BLOC1S5: variants seen among roughly 807,000 people sequenced by gnomAD.
The protein encoded by BLOC1S5 is biogenesis of lysosome-related organelles complex 1 subunit 5.
Under a neutral mutation model 24.3 loss-of-function variants are expected in BLOC1S5, and 27 were observed. That is an observed-to-expected ratio of 1.11 (90% CI 0.82 to 1.53). The LOEUF is 1.53. BLOC1S5 is among the 40% of genes most tolerant of loss of function. The probability of loss-of-function intolerance (pLI) is 0.00; values close to 1 mark genes in which losing one functional copy is unlikely to be tolerated. For synonymous variants in BLOC1S5, 84 were observed against 74.5 expected (o/e 1.13, Z -0.66); for missense variants, 239 against 229.4 (o/e 1.04, Z -0.27).
intron 4 of BLOC1S5, among the ~76,000 whole-genome samples, chr6:8,020,018 C>A (rs1213697386): frequency 6.6e-6 from 1 of 152,220 alleles, no homozygotes; most frequent in Non-Finnish European, 1.5e-5. Context: ...AGCACAGTGT[C>A]TCTCTTTCTC....
At chr6:8,017,223 T>C (rs928899799) in intron 4 of BLOC1S5, among the ~76,000 whole-genome samples, 2 of 152,196 alleles carry the variant, frequency 1.3e-5, no homozygotes, top group Non-Finnish European at 1.5e-5. Context: ...TAAGTTTTGA[T>C]ACAGATTAGG....
chr6:8,020,360 CTT>C (rs1182266456), intron 4 of BLOC1S5, among the ~76,000 whole-genome samples: 1 of 152,180 alleles, frequency 6.6e-6, no homozygotes, highest in South Asian at 2.1e-4. Flanking sequence ...CATCTTGTCG[CTT>C]TTTTCTCTGA....
chr6:8,044,009 C>T (rs924894295), intron 2 of BLOC1S5, among the ~76,000 whole-genome samples: 3 of 152,108 alleles, frequency 2.0e-5, no homozygotes, highest in South Asian at 2.1e-4. Context: ...TCAGGCCAGG[C>T]GCGATGGCTC....
At chr6:8,024,025 G>C (rs1763021996) in intron 4 of BLOC1S5, among the ~76,000 whole-genome samples, 1 of 152,166 alleles carries the variant, frequency 6.6e-6, no homozygotes, top group Admixed American at 6.5e-5. Flanking sequence ...AAGTGGATCT[G>C]TTTATGACTT....
chr6:8,018,915 C>T (rs1762825755), intron 4 of BLOC1S5, among the ~76,000 whole-genome samples: 1 of 152,206 alleles, frequency 6.6e-6, no homozygotes, highest in African/African-American at 2.4e-5. Flanking sequence ...AGACTTTCCC[C>T]TCCATTCCTA....
intron 2 of BLOC1S5, among the ~76,000 whole-genome samples, chr6:8,053,406 C>T (rs764415646): frequency 1.9e-4 from 29 of 152,150 alleles, no homozygotes; most frequent in Non-Finnish European, 2.9e-4. Flanking sequence ...CAACCACCAC[C>T]CTGATCAGTC....
chr6:8,019,269 C>T (rs1250037069), intron 4 of BLOC1S5, among the ~76,000 whole-genome samples: 1 of 138,752 alleles, frequency 7.2e-6, no homozygotes. Flanking sequence ...GGCATTCTTA[C>T]TTTTTTTTTT....
rs1428440478 is a variant in BLOC1S5 at position 8,055,215 on chromosome 6, T to C, written c.195+7319A>G. The stretch of plus-strand genomic sequence containing the variant: ...GGGAAGCCGAGGCGGGTGGATCACC[T>C]GAGGTCATGAGTTTTTGAGACCAGC... On this transcript the variant is annotated intron_variant, in intron 2 of 4. Transcript: ENST00000397457. Among the ~76,000 whole-genome samples the C allele has an allele frequency of 2.6e-5, 4 of 152,208 alleles. No individual in the cohort carries two copies. The East Asian group carries it at 7.7e-4, about 29-fold the overall frequency.
chr6:8,031,243 C>T (rs1469423681), intron 3 of BLOC1S5, among the ~76,000 whole-genome samples: 1 of 152,112 alleles, frequency 6.6e-6, no homozygotes, highest in Admixed American at 6.5e-5. Context: ...AAGACTCATC[C>T]AAAAAGCTCC....
In BLOC1S5 at chr6:8,014,186, C is replaced by A. The variant is rs1725871209; in HGVS notation, c.*1463G>T. On this transcript the variant is annotated 3_prime_UTR_variant, in exon 5 of 5. Transcript: ENST00000397457. ...AAAATATGTGAAAGATTTATCCATACCTCAAATTTGTTTACCATAAATCTC... is the reference window on the plus strand; with the variant it reads ...AAAATATGTGAAAGATTTATCCATAACTCAAATTTGTTTACCATAAATCTC... The A allele has an allele frequency of 6.6e-6, 1 of 152,138 alleles. No individual in the cohort carries two copies. Among genetic ancestry groups the A allele is most frequent in the Non-Finnish European group, 1.5e-5 (1 of 68,030 alleles). The allele number at this position is 152,138 out of a possible 1,614,324, so 9.4% of individuals were successfully genotyped here.
intron 2 of BLOC1S5, among the ~76,000 whole-genome samples, chr6:8,052,995 AAG>A (rs1480115027): frequency 6.6e-6 from 1 of 152,180 alleles, no homozygotes. Flanking sequence ...TGGATGAGCA[AAG>A]AATGCAGTTC....
intron 3 of BLOC1S5, among the ~76,000 whole-genome samples, chr6:8,040,555 T>C (rs1053016012): frequency 1.3e-5 from 2 of 152,310 alleles, no homozygotes; most frequent in Non-Finnish European, 2.9e-5. Context: ...GAACACAGAT[T>C]GTAGTCAAGA....
chr6:8,040,775 G>A (rs560183364), intron 3 of BLOC1S5, among the ~76,000 whole-genome samples: 30 of 151,960 alleles, frequency 2.0e-4, no homozygotes, highest in South Asian at 2.1e-4. Context: ...AGAACCACTT[G>A]AATCTGGGAG....
intron 3 of BLOC1S5, among the ~76,000 whole-genome samples, chr6:8,037,399 C>G (rs1046753527): frequency 3.3e-5 from 5 of 152,018 alleles, no homozygotes; most frequent in Non-Finnish European, 7.4e-5. Flanking sequence ...CATAAAATAC[C>G]TAGCAATCAA....
intron 2 of BLOC1S5, among the ~76,000 whole-genome samples, chr6:8,043,086 C>G (rs188466301): frequency 3.9e-5 from 6 of 152,260 alleles, no homozygotes; most frequent in African/African-American, 1.4e-4. Flanking sequence ...ACAAGTATGG[C>G]CATATACTGA....
intron 3 of BLOC1S5, among the ~76,000 whole-genome samples, chr6:8,033,163 T>C (rs1372590095): frequency 6.6e-6 from 1 of 152,186 alleles, no homozygotes; most frequent in African/African-American, 2.4e-5. Context: ...AGAGCCTGCA[T>C]TGCCAAGACA....
chr6:8,016,139 A>G (rs1477045890), intron 4 of BLOC1S5, among the ~76,000 whole-genome samples: 1 of 152,216 alleles, frequency 6.6e-6, no homozygotes, highest in Non-Finnish European at 1.5e-5. Flanking sequence ...CAGCCTGGCC[A>G]ACATGGCAAA....
chr6:8,046,334 G>C (rs1268053960), intron 2 of BLOC1S5, among the ~76,000 whole-genome samples: 1 of 151,948 alleles, frequency 6.6e-6, no homozygotes, highest in Non-Finnish European at 1.5e-5. Context: ...CCCAATCTTG[G>C]GTATGCCTTT....
At chr6:8,030,908 G>C (rs1763275203) in intron 3 of BLOC1S5, among the ~76,000 whole-genome samples, 1 of 145,768 alleles carries the variant, frequency 6.9e-6, no homozygotes, top group Non-Finnish European at 1.5e-5. Context: ...ACTCAGAAAA[G>C]GCAACTGACA....
Sources: allele counts gnomAD v4.1 joint callset (sites outside exome capture counted in the v4.1 genomes callset), GRCh38; gene constraint gnomAD v4.1.1; transcripts MANE v1.5; gene names NCBI Gene and HGNC (gene_info 2026-07-23, HGNC 2026-07-21).